The following ZNF398 variants were observed in gnomAD, a reference collection of about 807,000 sequenced individuals.
ZNF398 encodes zinc finger protein 398.
Under a neutral mutation model 41.9 loss-of-function variants are expected in ZNF398, and 18 were observed. The ratio of observed to expected loss-of-function variants is 0.43; its 90% CI spans 0.30 to 0.64. The LOEUF (loss-of-function observed/expected upper bound fraction) is 0.64, where lower values mean the gene tolerates loss of function less well. ZNF398 is among the 30% of genes least tolerant of loss of function. The probability of loss-of-function intolerance (pLI) is 0.14; values close to 1 mark genes in which losing one functional copy is unlikely to be tolerated. For synonymous variants in ZNF398, 260 were observed against 308.8 expected (o/e 0.84, Z 1.66); for missense variants, 669 against 822.8 (o/e 0.81, Z 2.29).
chr7:149,177,478 A>G (rs943075653), intron 5 of ZNF398, among the ~76,000 whole-genome samples: 2 of 152,168 alleles, frequency 1.3e-5, no homozygotes, highest in Non-Finnish European at 2.9e-5. Flanking sequence ...AGGTATTTAG[A>G]TAAGACCTAA....
Position 149,128,555 on chromosome 7 carries a change from T to C in ZNF398, c.-611-268T>C, listed in dbSNP as rs182087699. ...TGAGCACAGGAGTTGAAGACCAGCC[T>C]GGGCAACATGGCGAAACCCCATCTC... On this transcript the variant is annotated intron_variant, in intron 1 of 6. Coordinates refer to the ZNF398 transcript ENST00000426851. Among the ~76,000 whole-genome samples, 46 of 152,064 alleles carry C rather than the reference T, an allele frequency of 3.0e-4. 1 individual carries two copies. In the East Asian group the frequency reaches 7.6e-3, roughly 25 times the overall value.
At chr7:149,149,681 A>T (rs1827062606) in intron 1 of ZNF398, among the ~76,000 whole-genome samples, 1 of 151,360 alleles carries the variant, frequency 6.6e-6, no homozygotes, top group African/African-American at 2.4e-5. Flanking sequence ...CTACAAAAAA[A>T]ATTTTTTTTT....
intron 2 of ZNF398, among the ~76,000 whole-genome samples, chr7:149,155,660 T>C (rs1203927945): frequency 1.3e-5 from 2 of 149,562 alleles, no homozygotes; most frequent in Non-Finnish European, 3.0e-5. Flanking sequence ...TTGGAGGGTT[T>C]GAAGCAGAGG....
chr7:149,150,861 A>C (rs920239844), intron 1 of ZNF398, among the ~76,000 whole-genome samples: 1 of 152,014 alleles, frequency 6.6e-6, no homozygotes, highest in African/African-American at 2.4e-5. Context: ...ATGGCTTGCC[A>C]CCACACCCAG....
upstream of ZNF398, among the ~76,000 whole-genome samples, chr7:149,145,475 A>G (rs1826918095): frequency 6.6e-6 from 1 of 152,186 alleles, no homozygotes; most frequent in Admixed American, 6.5e-5. Context: ...TCAGACTAAG[A>G]ATTGATTTGC....
exon 1 of ZNF398, chr7:149,126,501 C>T (rs531677245): frequency 3.4e-4 from 178 of 517,658 alleles, no homozygotes; most frequent in Non-Finnish European, 5.6e-4. Context: ...CCCGGATCTG[C>T]ATGCGAGGGA....
At chr7:149,175,072 A>C (rs184543432) in intron 4 of ZNF398, among the ~76,000 whole-genome samples, 23 of 152,132 alleles carry the variant, frequency 1.5e-4, no homozygotes, top group African/African-American at 5.3e-4. Context: ...GCTAAAATCT[A>C]TTTCCCAAAT....
intron 2 of ZNF398, among the ~76,000 whole-genome samples, chr7:149,135,389 CAAAAAA>C (rs777888671): frequency 1.5e-4 from 9 of 61,410 alleles, no homozygotes; most frequent in Non-Finnish European, 2.5e-4. Context: ...GACTCTGTCT[CAAAAAA>C]AAAAAAAAAA....
chr7:149,162,672 T>A (rs931307875), intron 2 of ZNF398, among the ~76,000 whole-genome samples: 4 of 152,164 alleles, frequency 2.6e-5, no homozygotes, highest in African/African-American at 9.6e-5. Flanking sequence ...TAGAACTATA[T>A]AACCAGCTGC....
At chr7:149,156,545 TA>T (rs1471726650) in intron 2 of ZNF398, among the ~76,000 whole-genome samples, 1 of 147,050 alleles carries the variant, frequency 6.8e-6, no homozygotes, top group Non-Finnish European at 1.5e-5. Context: ...TGATGGGAAT[TA>T]GGAAATAAGG....
chr7:149,138,737 T>C (rs923012991), intron 2 of ZNF398, among the ~76,000 whole-genome samples: 15 of 152,178 alleles, frequency 9.9e-5, no homozygotes, highest in Non-Finnish European at 1.6e-4. Flanking sequence ...CTCTGGATTG[T>C]ATGATTATAT....
chr7:149,127,697 A>T (rs139522101), intron 1 of ZNF398, among the ~76,000 whole-genome samples: 5,470 of 152,118 alleles, frequency 0.036, 323 homozygotes, highest in African/African-American at 0.12. Context: ...AGCCTGGGCG[A>T]CAGAGGGAGA....
upstream of ZNF398, among the ~76,000 whole-genome samples, chr7:149,143,769 G>A (rs895686597): frequency 2.0e-5 from 3 of 152,064 alleles, no homozygotes; most frequent in South Asian, 4.1e-4. Flanking sequence ...CAGAGATTGC[G>A]CCATTCCACT....
Position 149,154,019 on chromosome 7 carries a change from G to A in ZNF398, c.99G>A (p.Glu33=), listed in dbSNP as rs769593279. 3.1e-6 allele frequency: 5 copies of A among 1,614,122 alleles called. 1 individual carries two copies. The South Asian group carries it at 3.3e-5, about 11-fold the overall frequency. Residue 33 remains glutamate, a synonymous_variant, in exon 2 of 6, where the codon GAG becomes GAA. Transcript: ENST00000475153. ...TTCCTACACCCCCAGCAGCAAATGA[G>A]GCACACCTGCAGACAGCAGCTATCT... is the stretch of plus-strand genomic sequence containing the variant. ...LPLPTPPAAN[E]AHLQTAAISL...
chr7:149,149,669 C>G (rs1207183735), intron 1 of ZNF398, among the ~76,000 whole-genome samples: 1 of 121,960 alleles, frequency 8.2e-6, no homozygotes, highest in Middle Eastern at 4.1e-3. Flanking sequence ...AAGACCCCAT[C>G]TCTACAAAAA....
intron 4 of ZNF398, among the ~76,000 whole-genome samples, chr7:149,167,540 A>G (rs192189521): frequency 4.7e-4 from 71 of 152,256 alleles, no homozygotes; most frequent in African/African-American, 1.6e-3. Context: ...GGATAGAAGC[A>G]CACAGAAAGT....
chr7:149,128,358 T>C (rs1445790619), intron 1 of ZNF398, among the ~76,000 whole-genome samples: 2 of 152,150 alleles, frequency 1.3e-5, no homozygotes, highest in African/African-American at 4.8e-5. Flanking sequence ...AGTGTCTGGG[T>C]TAAGATAAGG....
At chr7:149,150,137 C>T (rs541280904) in intron 1 of ZNF398, among the ~76,000 whole-genome samples, 3 of 152,110 alleles carry the variant, frequency 2.0e-5, no homozygotes, top group African/African-American at 7.2e-5. Context: ...AACTTAGATT[C>T]GGTTACTGAT....
chr7:149,155,795 C>T (rs1400847683), intron 2 of ZNF398, among the ~76,000 whole-genome samples: 1 of 145,214 alleles, frequency 6.9e-6, no homozygotes, highest in African/African-American at 2.6e-5. Flanking sequence ...GGCGCCATCT[C>T]GGCTCACTGC....
Sources: allele counts gnomAD v4.1 joint callset (sites outside exome capture counted in the v4.1 genomes callset), GRCh38; gene constraint gnomAD v4.1.1; transcripts MANE v1.5; gene names NCBI Gene and HGNC (gene_info 2026-07-23, HGNC 2026-07-21).